ZNF492: variants seen among roughly 807,000 people sequenced by gnomAD.
ZNF492 encodes zinc finger protein 492.
A neutral mutation model predicts 6.4 loss-of-function variants in ZNF492; 3 were observed. That is an observed-to-expected ratio of 0.47 (90% confidence interval 0.21 to 1.22). ZNF492 has a LOEUF of 1.22. Ranked by LOEUF, ZNF492 falls within the 50% of genes most tolerant of loss-of-function variation. The probability of loss-of-function intolerance (pLI) is 0.22; values close to 1 mark genes in which losing one functional copy is unlikely to be tolerated. For missense variants in ZNF492, 356 were observed against 612.5 expected, an observed-to-expected ratio of 0.58 and a Z score of 4.42; for synonymous variants, 112 against 205.3, an observed-to-expected ratio of 0.55 and a Z score of 3.89.
Position 22,664,393 on chromosome 19 carries a change from A to G in ZNF492, c.724A>G (p.Thr242Ala), listed in dbSNP as rs1454909925. Reference protein sequence around the residue: ...KAFNQSANLTTHKRIHTGEKP... With the variant: ...KAFNQSANLTAHKRIHTGEKP... ...TTTTAACCAATCTGCAAACCTTACT[A>G]CACATAAGAGAATTCATACTGGAGA... The change falls in exon 4 of 4, where the codon ACA becomes GCA. Residue 242 changes from threonine to alanine, a missense_variant. Physicochemically the swap from Thr to Ala is moderately conservative, Grantham distance 58. Transcript: ENST00000456783. 6.5e-7 allele frequency: 1 copy of G among 1,526,896 alleles called. No homozygotes were observed. Among genetic ancestry groups the G allele is most frequent in the South Asian group, 1.2e-5 (1 of 82,366 alleles). The allele number at this position is 1,526,896 out of a possible 1,614,324, so 94.6% of individuals were successfully genotyped here.
chr19:22,640,721 A>G (rs535253786), intron 1 of ZNF492, among the ~76,000 whole-genome samples: 2 of 152,348 alleles, frequency 1.3e-5, no homozygotes, highest in Admixed American at 6.5e-5. Context: ...TCCATCTACT[A>G]GAATTCAGCT....
At chr19:22,638,496 G>C (rs980304819) in intron 1 of ZNF492, among the ~76,000 whole-genome samples, 1 of 151,958 alleles carries the variant, frequency 6.6e-6, no homozygotes, top group African/African-American at 2.4e-5. Context: ...CCTGTTGTTA[G>C]CTTTGCCAAA....
At chr19:22,654,276 C>T (rs1296623963) in intron 3 of ZNF492, among the ~76,000 whole-genome samples, 1 of 152,100 alleles carries the variant, frequency 6.6e-6, no homozygotes, top group Non-Finnish European at 1.5e-5. Flanking sequence ...CTTCATGGCA[C>T]ATAAGAGACT....
At chr19:22,652,506 T>C (rs1226556518) in intron 1 of ZNF492, among the ~76,000 whole-genome samples, 1 of 151,966 alleles carries the variant, frequency 6.6e-6, no homozygotes, top group Non-Finnish European at 1.5e-5. Context: ...AATAGTTTTC[T>C]TGGACCAAAA....
Sources: allele counts gnomAD v4.1 joint callset (sites outside exome capture counted in the v4.1 genomes callset), GRCh38; gene constraint gnomAD v4.1.1; transcripts MANE v1.5; gene names NCBI Gene and HGNC (gene_info 2026-07-23, HGNC 2026-07-21).